NXPH2: variants seen among roughly 807,000 people sequenced by gnomAD.
The protein encoded by NXPH2 is neurexophilin 2.
NXPH2 carries 5 observed loss-of-function variants against 19.8 expected under a neutral mutation model. The ratio of observed to expected loss-of-function variants is 0.25; its 90% confidence interval spans 0.13 to 0.53. The LOEUF is 0.53. NXPH2 is among the 20% of genes least tolerant of loss of function. NXPH2 has a pLI of 0.96. For missense variants in NXPH2, 289 were observed against 322.8 expected (o/e 0.90, Z 0.80); for synonymous variants, 154 against 127.4 (o/e 1.21, Z -1.41).
chr2:138,736,194 C>CACTTCCCT (rs1681536050), intron 1 of NXPH2, among the ~76,000 whole-genome samples: 1 of 152,224 alleles, frequency 6.6e-6, no homozygotes, highest in Non-Finnish European at 1.5e-5. Flanking sequence ...CCAGTTGGGA[C>CACTTCCCT]TCTGTGTGGG....
intron 1 of NXPH2, among the ~76,000 whole-genome samples, chr2:138,744,235 A>G (rs1681691269): frequency 6.6e-6 from 1 of 152,182 alleles, no homozygotes; most frequent in African/African-American, 2.4e-5. Context: ...TGTTGTCTCC[A>G]TAAATAAAGT....
rs553684038 is a variant in NXPH2, at chr2:138,670,456, A to T, written c.*466T>A. On this transcript the variant is annotated 3_prime_UTR_variant, in exon 2 of 2. Coordinates refer to ENST00000272641, the MANE Select transcript of NXPH2 (RefSeq NM_007226.3). ...GGATGGGGGAAAAGATAGAAATATA[A>T]AAAAAAGGGTCCAATGTCAAAAACA... Among the ~76,000 whole-genome samples, 1 of 152,226 alleles carries T rather than the reference A, an allele frequency of 6.6e-6. No homozygotes were observed. Among genetic ancestry groups the T allele is most frequent in the East Asian group, 1.9e-4 (1 of 5,186 alleles).
At chr2:138,714,750 C>A (rs1376369876) in intron 1 of NXPH2, among the ~76,000 whole-genome samples, 1 of 152,156 alleles carries the variant, frequency 6.6e-6, no homozygotes, top group Non-Finnish European at 1.5e-5. Flanking sequence ...TAATTTGTTT[C>A]AACGGATTCA....
intron 1 of NXPH2, among the ~76,000 whole-genome samples, chr2:138,692,814 A>G (rs1362259637): frequency 6.6e-6 from 1 of 152,190 alleles, no homozygotes; most frequent in Admixed American, 6.5e-5. Flanking sequence ...AGGAGAAAGC[A>G]GTTAGAAGAG....
In NXPH2 at chr2:138,671,266, T is replaced by C. The variant is rs779532067; in HGVS notation, c.451A>G (p.Thr151Ala). ...CTCACTGAAACATTGCCCAGGCCTGTTGAATTATGTCGGAAATACACACTG... is the reference window on the plus strand; with the variant it reads ...CTCACTGAAACATTGCCCAGGCCTGCTGAATTATGTCGGAAATACACACTG... ...TFSVYFRHNS[T>A]GLGNVSVSLV... Residue 151 changes from threonine to alanine, a missense_variant, in exon 2 of 2, where the codon ACA (threonine) becomes GCA (alanine). Coordinates refer to ENST00000272641, the MANE Select transcript of NXPH2 (RefSeq NM_007226.3). 4 of 1,613,768 alleles carry C rather than the reference T, an allele frequency of 2.5e-6. No homozygotes were observed. In the African/African-American group the frequency reaches 5.3e-5, roughly 22 times the overall value.
At chr2:138,677,797 C>T (rs770996957) in intron 1 of NXPH2, among the ~76,000 whole-genome samples, 101 of 152,262 alleles carry the variant, frequency 6.6e-4, no homozygotes, top group Non-Finnish European at 8.5e-4. Context: ...ACTGTATTCG[C>T]TATATATTTT....
At chr2:138,707,814 C>T (rs1681040861) in intron 1 of NXPH2, among the ~76,000 whole-genome samples, 1 of 152,112 alleles carries the variant, frequency 6.6e-6, no homozygotes, top group South Asian at 2.1e-4. Context: ...GTGGATTTGG[C>T]CCATCATTCT....
chr2:138,694,119 CTG>C (rs1553481785), intron 1 of NXPH2, among the ~76,000 whole-genome samples: 1 of 152,154 alleles, frequency 6.6e-6, no homozygotes, highest in Non-Finnish European at 1.5e-5. Context: ...TTTTAAAAAA[CTG>C]TAACCAGCCA....
At chr2:138,777,251 T>A (rs1016001707) in intron 1 of NXPH2, among the ~76,000 whole-genome samples, 10 of 152,118 alleles carry the variant, frequency 6.6e-5, no homozygotes, top group Non-Finnish European at 1.3e-4. Flanking sequence ...CAAATGCTAA[T>A]TTTTTTCTTC....
At chr2:138,679,579 T>C (rs978419619) in intron 1 of NXPH2, among the ~76,000 whole-genome samples, 5 of 152,092 alleles carry the variant, frequency 3.3e-5, no homozygotes, top group Admixed American at 3.3e-4. Context: ...TTTGTATTTT[T>C]ACTAGAGACG....
At chr2:138,734,131 G>A (rs1192017474) in intron 1 of NXPH2, among the ~76,000 whole-genome samples, 3 of 152,140 alleles carry the variant, frequency 2.0e-5, no homozygotes, top group African/African-American at 7.2e-5. Context: ...TGTAATCACA[G>A]CTACTCAGGA....
intron 1 of NXPH2, among the ~76,000 whole-genome samples, chr2:138,694,629 A>G (rs558226933): frequency 4.6e-5 from 7 of 152,270 alleles, no homozygotes; most frequent in Admixed American, 2.0e-4. Context: ...CTTGCAGCCT[A>G]TGAGGGAATT....
At chr2:138,742,431 C>T (rs1473826756) in intron 1 of NXPH2, among the ~76,000 whole-genome samples, 2 of 152,132 alleles carry the variant, frequency 1.3e-5, no homozygotes, top group Admixed American at 1.3e-4. Context: ...TTGCTTTTGA[C>T]TAATGGAGAG....
intron 1 of NXPH2, among the ~76,000 whole-genome samples, chr2:138,710,285 ACC>A (rs1031237927): frequency 1.6e-4 from 25 of 152,248 alleles, no homozygotes; most frequent in African/African-American, 5.8e-4. Flanking sequence ...GTATGTATGT[ACC>A]ACGTTTTGTT....
chr2:138,762,634 C>A (rs1682034654), intron 1 of NXPH2, among the ~76,000 whole-genome samples: 1 of 152,116 alleles, frequency 6.6e-6, no homozygotes, highest in African/African-American at 2.4e-5. Context: ...GTTCAAAACC[C>A]AGAAGTCAAG....
intron 1 of NXPH2, among the ~76,000 whole-genome samples, chr2:138,688,826 GC>G (rs577026733): frequency 5.3e-5 from 8 of 151,858 alleles, no homozygotes; most frequent in East Asian, 1.9e-4. Context: ...GGTCACCACC[GC>G]CCCCCCAACC....
At chr2:138,731,206 T>C (rs779322020) in intron 1 of NXPH2, among the ~76,000 whole-genome samples, 5 of 152,242 alleles carry the variant, frequency 3.3e-5, no homozygotes, top group Non-Finnish European at 7.3e-5. Context: ...GGATGTGCTC[T>C]ATGTGCTCAT....
chr2:138,675,930 A>C lies in NXPH2; in HGVS notation c.52-4265T>G, dbSNP rs560560964. Among the ~76,000 whole-genome samples, 77 of 147,300 alleles carry C rather than the reference A, an allele frequency of 5.2e-4. 1 individual carries two copies. The highest frequency in any genetic ancestry group is 4.2e-3 in the South Asian group (19 of 4,564). ...TGACAGCATTCACTGGCAGTACCTT[A>C]GGTAAAAAGTACATATATATACATA... On this transcript the variant is annotated intron_variant, in intron 1 of 1. Transcript: ENST00000272641.
chr2:138,778,913 A>G (rs1005877602), intron 1 of NXPH2, among the ~76,000 whole-genome samples: 7 of 152,216 alleles, frequency 4.6e-5, no homozygotes, highest in African/African-American at 1.7e-4. Context: ...TTTCTGAGTT[A>G]ACGCTGTGCA....
Sources: gnomAD v4.1 joint callset for allele counts (sites outside exome capture counted in the v4.1 genomes callset) on GRCh38, gnomAD v4.1.1 for gene constraint, MANE v1.5 for transcripts, NCBI Gene and HGNC (gene_info 2026-07-23, HGNC 2026-07-21) for gene names.